Variants in ASIC4 observed in about 807,000 individuals in gnomAD.
The protein encoded by ASIC4 is acid-sensing ion channel 4.
In ASIC4, 28 loss-of-function variants were observed where a neutral mutation model predicts 53.4. That is an observed-to-expected ratio of 0.52 (90% CI 0.39 to 0.72). The LOEUF is 0.72. ASIC4 is among the 30% of genes least tolerant of loss of function. ASIC4 has a pLI of 0.00. For synonymous variants in ASIC4, 289 were observed against 301.4 expected, an observed-to-expected ratio of 0.96 and a Z score of 0.43; for missense variants, 649 against 729.7, an observed-to-expected ratio of 0.89 and a Z score of 1.27.
intron 1 of ASIC4, among the ~76,000 whole-genome samples, chr2:219,530,535 A>G (rs1695026273): frequency 6.6e-6 from 1 of 152,286 alleles, no homozygotes; most frequent in African/African-American, 2.4e-5. Flanking sequence ...ACAGGAGACA[A>G]GTAGATGAAC....
rs757378587 is a variant in ASIC4 at position 219,537,965 on chromosome 2, TG to T, written c.1546del (p.Val516SerfsTer29). 3 of 1,609,010 alleles carry T rather than the reference TG, an allele frequency of 1.9e-6. No individual in the cohort carries two copies. Among genetic ancestry groups the T allele is most frequent in the Middle Eastern group, 1.7e-4 (1 of 6,012 alleles). On this transcript the variant is annotated frameshift_variant, in exon 10 of 10. Coordinates refer to ENST00000358078, the MANE Select transcript of ASIC4 (RefSeq NM_018674.6). LOFTEE classifies it high-confidence loss of function. This position sits in a 1 kb window ranked among gnomAD's most constrained non-coding sequence, Gnocchi z 4.9. The part of the protein sequence containing the change: ...PCPSRGRVEG[G>X]GVSSLLPNHH... ...GCCCGAGCCGGGGCCGAGTGGAGGGTGGGGGGGTCAGCAGTCTGCTCCCCAA... is the reference window on the plus strand; with the variant it reads ...GCCCGAGCCGGGGCCGAGTGGAGGGTGGGGGGTCAGCAGTCTGCTCCCCAA...
intron 1 of ASIC4, among the ~76,000 whole-genome samples, chr2:219,529,547 G>A (rs765032326): frequency 9.2e-5 from 14 of 152,334 alleles, no homozygotes; most frequent in Non-Finnish European, 1.6e-4. Context: ...GGCTGGGGCA[G>A]GAGCTGGATC....
At chr2:219,507,912 G>A in the ASIC4 span, among the ~76,000 whole-genome samples, 3 of 152,084 alleles carry the variant, frequency 2.0e-5, no homozygotes, top group Admixed American at 1.3e-4. Flanking sequence ...TTCATAGCCT[G>A]GCAGTTAGGA....
chr2:219,521,953 G>A (rs1694891363), intron 1 of ASIC4, among the ~76,000 whole-genome samples: 2 of 152,206 alleles, frequency 1.3e-5, no homozygotes, highest in Non-Finnish European at 2.9e-5. Flanking sequence ...GGGAAGGCAG[G>A]AGGAGGACAG....
At chr2:219,525,578 A>G (rs556058077) in intron 1 of ASIC4, among the ~76,000 whole-genome samples, 1 of 152,346 alleles carries the variant, frequency 6.6e-6, no homozygotes, top group East Asian at 1.9e-4. Flanking sequence ...GAGTGATTGG[A>G]CTGAGTGACC....
chr2:219,521,900 A>G (rs1298650355), intron 1 of ASIC4, among the ~76,000 whole-genome samples: 1 of 152,128 alleles, frequency 6.6e-6, no homozygotes, highest in African/African-American at 2.4e-5. Flanking sequence ...TTTTTTGCAA[A>G]TCATGGTGGA....
chr2:219,534,243 T>A (rs1293089478), intron 5 of ASIC4, among the ~76,000 whole-genome samples: 1 of 152,182 alleles, frequency 6.6e-6, no homozygotes, highest in Non-Finnish European at 1.5e-5. Context: ...ATCCAGCCCT[T>A]CTCTGTCCCC....
Position 219,518,610 on chromosome 2 carries a change from C to G in ASIC4, c.582+3304C>G, listed in dbSNP as rs1324266165. 6.6e-6 allele frequency among the ~76,000 whole-genome samples: 1 copy of G among 151,942 alleles called. No homozygotes were observed. Among genetic ancestry groups the G allele is most frequent in the Admixed American group, 6.6e-5 (1 of 15,246 alleles). ...CCCCCACCCCCAGCCTTGTAGACAG[C>G]TCTCCCTTCCTCCCTGATTCCTGCC... On this transcript the variant is annotated intron_variant, in intron 1 of 9. Transcript: ENST00000358078. The surrounding 1 kb of genome is among the most constrained non-coding windows in gnomAD (Gnocchi z 4.8).
chr2:219,529,626 C>G (rs575292385), intron 1 of ASIC4, among the ~76,000 whole-genome samples: 15 of 152,190 alleles, frequency 9.9e-5, no homozygotes, highest in Admixed American at 5.9e-4. Flanking sequence ...AGCCTCGCCC[C>G]TCGATGAGGT....
chr2:219,509,750 A>T (rs1431407321), upstream of ASIC4, among the ~76,000 whole-genome samples: 1 of 151,804 alleles, frequency 6.6e-6, no homozygotes, highest in African/African-American at 2.4e-5. This position sits in a 1 kb window ranked among gnomAD's most constrained non-coding sequence, Gnocchi z 5.2. Flanking sequence ...ACCCCTCCCC[A>T]TGAAGAAGCC....
In ASIC4 at chr2:219,537,317, A is replaced by C; in HGVS notation, c.1397A>C (p.Tyr466Ser). The C allele has an allele frequency of 1.2e-6, 2 of 1,612,534 alleles. No homozygotes were observed. Among genetic ancestry groups the C allele is most frequent in the Non-Finnish European group, 1.7e-6 (2 of 1,179,496 alleles). The change falls in exon 8 of 10, where the codon TAT (tyrosine) becomes TCT (serine). Residue 466 changes from tyrosine (Y) to serine (S), a missense_variant. Tyr to Ser is a moderately radical substitution (Grantham distance 144). Transcript: ENST00000358078. This position sits in a 1 kb window ranked among gnomAD's most constrained non-coding sequence, Gnocchi z 4.9. ...TTGCTGGAGATCCTCGACTACATCT[A>C]TGAGGCAAGGGCCCTGGAGAAGGCA... ...LTLLEILDYI[Y>S]EVSWDRLKRV... is the part of the protein sequence containing the mutation.
Position 219,531,782 on chromosome 2 carries a change from T to C in ASIC4, c.607T>C (p.Tyr203His), listed in dbSNP as rs932121420. The change falls in exon 2 of 10, where the codon TAC becomes CAC. Residue 203 changes from tyrosine to histidine, a missense_variant. Transcript: ENST00000358078. The stretch of plus-strand genomic sequence containing the variant: ...GGTCTATACTCGCTATGGGAAGTGT[T>C]ACACCTTCAACGCGGACCCGCGGAG... ...SVVYTRYGKC[Y>H]TFNADPRSSL... 1 of 1,609,696 alleles carries C rather than the reference T, an allele frequency of 6.2e-7. No individual in the cohort carries two copies. Among genetic ancestry groups the C allele is most frequent in the Non-Finnish European group, 8.5e-7 (1 of 1,177,944 alleles).
intron 1 of ASIC4, among the ~76,000 whole-genome samples, chr2:219,521,156 T>C (rs985593668): frequency 2.6e-5 from 4 of 152,100 alleles, no homozygotes; most frequent in African/African-American, 9.7e-5. Context: ...TGGTGTGGCC[T>C]GGCAGGGAAG....
At position 219,535,337 on chromosome 2, in the gene ASIC4, GTGTGT is replaced by G; in HGVS notation, c.1229+14_1229+18del. Reference sequence around the variant, plus strand: ...AGACCTACATACGGTATGTGTGTGTGTGTGTGGGGGGTGGCTGTGTGACTCTGTGT... The same window carrying G: ...AGACCTACATACGGTATGTGTGTGTGGGGGGGTGGCTGTGTGACTCTGTGT... On this transcript the variant is annotated intron_variant, in intron 6 of 9. Transcript: ENST00000358078. 8.3e-6 allele frequency: 13 copies of G among 1,570,674 alleles called. No individual in the cohort carries two copies. Among genetic ancestry groups the G allele is most frequent in the Admixed American group, 7.4e-5 (4 of 53,730 alleles).
At chr2:219,508,685 C>T in the ASIC4 span, among the ~76,000 whole-genome samples, 2 of 151,978 alleles carry the variant, frequency 1.3e-5, no homozygotes, top group Non-Finnish European at 2.9e-5. Flanking sequence ...GTGCAGGGGG[C>T]CCCTTTGTCC....
chr2:219,520,368 C>G (rs1196795272), intron 1 of ASIC4, among the ~76,000 whole-genome samples: 1 of 152,020 alleles, frequency 6.6e-6, no homozygotes, highest in Non-Finnish European at 1.5e-5. Flanking sequence ...TGCAAGCCCT[C>G]TCTCTCTCTG....
At position 219,514,524 on chromosome 2, in the gene ASIC4, C is replaced by T; in HGVS notation, c.-201C>T. On this transcript the variant is annotated 5_prime_UTR_variant, in exon 1 of 10. Transcript: ENST00000358078. ...GCAGCAGAGGCAGCAGCGGCAGAGGCAGCACCAGGGCTGCGGAGCTGCTGG... is the reference window on the plus strand; with the variant it reads ...GCAGCAGAGGCAGCAGCGGCAGAGGTAGCACCAGGGCTGCGGAGCTGCTGG... 1 of 1,552,090 alleles carries T rather than the reference C, an allele frequency of 6.4e-7. No homozygotes were observed. The highest frequency in any genetic ancestry group is 8.7e-7 in the Non-Finnish European group (1 of 1,147,818).
In ASIC4 at chr2:219,537,402, C is replaced by G. The variant is rs1005279754; in HGVS notation, c.1401+81C>G. ...GGGCAGTGCGGGGTGCCTGGTGGAG[C>G]TGGCCTGGCTGGAAAGTCAGGTTCA... On this transcript the variant is annotated intron_variant, in intron 8 of 9. Transcript: ENST00000358078. The surrounding 1 kb of genome is among the most constrained non-coding windows in gnomAD (Gnocchi z 4.9). 1.4e-6 allele frequency: 2 copies of G among 1,463,998 alleles called. No homozygotes were observed. The highest frequency in any genetic ancestry group is 4.8e-5 in the East Asian group (2 of 41,444). The allele number at this position is 1,463,998 out of a possible 1,614,324, so 90.7% of individuals were successfully genotyped here.
chr2:219,538,634 C>T lies in ASIC4; in HGVS notation c.*588C>T, dbSNP rs1211037303. On this transcript the variant is annotated 3_prime_UTR_variant, in exon 10 of 10. Coordinates refer to ENST00000358078, the MANE Select transcript of ASIC4 (RefSeq NM_018674.6). ...TGCACCAGCCCCACCCCTAGAGTCC[C>T]TTCTATAGGGAGGGGGCAGGAGACC... 1.9e-5 allele frequency: 3 copies of T among 155,650 alleles called. No individual in the cohort carries two copies. The highest frequency in any genetic ancestry group is 7.2e-5 in the African/African-American group (3 of 41,434). 9.6% of individuals were successfully genotyped at this position (155,650 alleles called of 1,614,324 possible).
Sources: gnomAD v4.1 joint callset for allele counts (sites outside exome capture counted in the v4.1 genomes callset) on GRCh38, gnomAD v4.1.1 for gene constraint, Gnocchi (gnomAD v3.1) non-coding constraint, MANE v1.5 for transcripts, NCBI Gene and HGNC (gene_info 2026-07-23, HGNC 2026-07-21) for gene names.